Variants in ZNF316 observed in about 807,000 individuals in gnomAD.
ZNF316 encodes zinc finger protein 316.
ZNF316 carries 23 observed loss-of-function variants against 75.6 expected under a neutral mutation model. That is an observed-to-expected ratio of 0.30 (90% CI 0.22 to 0.43). The LOEUF (loss-of-function observed/expected upper bound fraction) is 0.43, where lower values mean the gene tolerates loss of function less well. Among genes scored for constraint, ZNF316 ranks in the 20% least tolerant of loss-of-function variants. The probability of loss-of-function intolerance (pLI) is 1.00; values close to 1 mark genes in which losing one functional copy is unlikely to be tolerated. For missense variants in ZNF316, 1,266 were observed against 1,409.4 expected (o/e 0.90, Z 1.63); for synonymous variants, 827 against 666.2 (o/e 1.24, Z -3.72).
intron 8 of ZNF316, among the ~76,000 whole-genome samples, chr7:6,647,116 G>A (rs1378994759): frequency 2.6e-5 from 4 of 152,210 alleles, no homozygotes; most frequent in Non-Finnish European, 5.9e-5. Flanking sequence ...AGTGGCATTG[G>A]CCTGGCGGGC....
chr7:6,641,532 G>A (rs1221417201), intron 3 of ZNF316, among the ~76,000 whole-genome samples: 5 of 152,222 alleles, frequency 3.3e-5, no homozygotes, highest in East Asian at 3.8e-4. Context: ...CTGTGTCCAT[G>A]GCCCTGGACC....
rs945432325 is a variant in ZNF316, at chr7:6,652,461, G to T, written c.865G>T (p.Asp289Tyr). The change falls in exon 9 of 9, where the codon GAT (aspartate) becomes TAT (tyrosine). Residue 289 changes from aspartate to tyrosine, a missense_variant. By Grantham distance (160) the Asp-to-Tyr change is radical. Transcript: ENST00000382252. ...VPGTWGPDDSDSAQTPEGWGP... is the reference protein window; with the variant it reads ...VPGTWGPDDSYSAQTPEGWGP... ...TGGGACGTGGGGGCCCGACGACTCG[G>T]ATTCGGCGCAGACTCCAGAGGGGTG... 2.4e-6 allele frequency: 3 copies of T among 1,231,742 alleles called. No homozygotes were observed. The African/African-American group carries it at 4.7e-5, about 19-fold the overall frequency. The allele number at this position is 1,231,742 out of a possible 1,614,324, so 76.3% of individuals were successfully genotyped here.
At chr7:6,638,237 TA>T (rs917180812) in intron 2 of ZNF316, among the ~76,000 whole-genome samples, 3 of 150,968 alleles carry the variant, frequency 2.0e-5, no homozygotes, top group Non-Finnish European at 4.4e-5. Context: ...GTGAGGGGGC[TA>T]CCCTGGGGAA....
chr7:6,654,652 G>C lies in ZNF316; in HGVS notation c.*41G>C, dbSNP rs1023150601. 5.0e-5 allele frequency: 58 copies of C among 1,168,874 alleles called. No individual in the cohort carries two copies. In the African/African-American group the frequency reaches 9.2e-4, roughly 19 times the overall value. 72.4% of individuals were successfully genotyped at this position (1,168,874 alleles called of 1,614,324 possible). On this transcript the variant is annotated 3_prime_UTR_variant, in exon 9 of 9. Transcript: ENST00000382252. Reference sequence around the variant, plus strand: ...CAGCAGCGCAGCCTGCAGGGCCACCGGCCCCTCCCTTGGACGGCCGGCCCC... The same window carrying C: ...CAGCAGCGCAGCCTGCAGGGCCACCCGCCCCTCCCTTGGACGGCCGGCCCC...
chr7:6,652,460 G>A lies in ZNF316; in HGVS notation c.864G>A (p.Ser288=), dbSNP rs979849971. 2 of 1,231,808 alleles carry A rather than the reference G, an allele frequency of 1.6e-6. No homozygotes were observed. The highest frequency in any genetic ancestry group is 2.0e-6 in the Non-Finnish European group (2 of 987,802). 76.3% of individuals were successfully genotyped at this position (1,231,808 alleles called of 1,614,324 possible). The change falls in exon 9 of 9, where the codon TCG becomes TCA. Residue 288 remains serine, a synonymous_variant. Coordinates refer to ENST00000382252, the MANE Select transcript of ZNF316 (RefSeq NM_001278559.2). ...CTGGGACGTGGGGGCCCGACGACTC[G>A]GATTCGGCGCAGACTCCAGAGGGGT... ...DVPGTWGPDD[S]DSAQTPEGWG...
At position 6,656,628 on chromosome 7, in the gene ZNF316, T is replaced by C. The variant is rs768733331; in HGVS notation, c.*2017T>C. On this transcript the variant is annotated 3_prime_UTR_variant, in exon 9 of 9. Coordinates refer to ENST00000382252, the MANE Select transcript of ZNF316 (RefSeq NM_001278559.2). ...CCCCGTGCTGCCCATGCCCACCGTA[T>C]TCCTTGGTGGCCCCCACGCTGCCCC... 3.3e-5 allele frequency among the ~76,000 whole-genome samples: 5 copies of C among 152,230 alleles called. No individual in the cohort carries two copies. Among genetic ancestry groups the C allele is most frequent in the Non-Finnish European group, 5.9e-5 (4 of 68,030 alleles).
At chr7:6,644,419 G>T in intron 7 of ZNF316, 61 bp from the exon 8 acceptor site, 1 of 921,540 alleles carries the variant, frequency 1.1e-6, no homozygotes, top group Non-Finnish European at 1.4e-6. Context: ...CACAGCACGG[G>T]CTGCAGGGCA....
chr7:6,653,203 G>T lies in ZNF316; in HGVS notation c.1607G>T (p.Gly536Val). Reference sequence around the variant, plus strand: ...GCGGGGCCCGAGGACACGGACCCTGGGCCAGAGGGATCTGAAGTTGGCGAG... The same window carrying T: ...GCGGGGCCCGAGGACACGGACCCTGTGCCAGAGGGATCTGAAGTTGGCGAG... Reference protein sequence around the residue: ...AAAGPEDTDPGPEGSEVGEAD... With the variant: ...AAAGPEDTDPVPEGSEVGEAD... Residue 536 changes from glycine to valine, a missense_variant, in exon 9 of 9, where the codon GGG becomes GTG. This residue lies in a region of ZNF316 where 961 missense variants were observed against 990.9 expected (regional missense o/e 0.97). Transcript: ENST00000382252. The T allele has an allele frequency of 8.2e-7, 1 of 1,220,498 alleles. No individual in the cohort carries two copies. Among genetic ancestry groups the T allele is most frequent in the Non-Finnish European group, 1.0e-6 (1 of 980,994 alleles). 75.6% of individuals were successfully genotyped at this position (1,220,498 alleles called of 1,614,324 possible).
At position 6,640,460 on chromosome 7, in the gene ZNF316, A is replaced by G. The variant is rs555061872; in HGVS notation, c.-167+1319A>G. ...GAGAGAGTGAGTGGGGAGGCGCCAC[A>G]CACTTTTAAAGACGACCAGATGTCC... is the stretch of plus-strand genomic sequence containing the variant. On this transcript the variant is annotated intron_variant, in intron 3 of 8. Transcript: ENST00000382252. This position sits in a 1 kb window ranked among gnomAD's most constrained non-coding sequence, Gnocchi z 5.1. 1.3e-5 allele frequency among the ~76,000 whole-genome samples: 2 copies of G among 152,264 alleles called. No homozygotes were observed. Among genetic ancestry groups the G allele is most frequent in the Admixed American group, 6.5e-5 (1 of 15,308 alleles).
In ZNF316 at chr7:6,640,196, C is replaced by T. The variant is rs567698551; in HGVS notation, c.-167+1055C>T. On this transcript the variant is annotated intron_variant, in intron 3 of 8. Coordinates refer to ENST00000382252, the MANE Select transcript of ZNF316 (RefSeq NM_001278559.2). This position sits in a 1 kb window ranked among gnomAD's most constrained non-coding sequence, Gnocchi z 5.1. ...AAGCAGTTCAGGAAATGAGTACGCG[C>T]GGCTGCTATGGTTTGGGTGTTTGTC... 6.6e-5 allele frequency among the ~76,000 whole-genome samples: 10 copies of T among 152,186 alleles called. No individual in the cohort carries two copies. Among genetic ancestry groups the T allele is most frequent in the African/African-American group, 2.4e-4 (10 of 41,522 alleles).
rs1202669697 is a variant in ZNF316, at chr7:6,653,193, A to G, written c.1597A>G (p.Thr533Ala). The part of the protein sequence containing the change: ...ETAAAAGPED[T>A]DPGPEGSEVG... Reference sequence around the variant, plus strand: ...GGCGGCCGCCGCGGGGCCCGAGGACACGGACCCTGGGCCAGAGGGATCTGA... The same window carrying G: ...GGCGGCCGCCGCGGGGCCCGAGGACGCGGACCCTGGGCCAGAGGGATCTGA... The change falls in exon 9 of 9, where the codon ACG becomes GCG. Residue 533 changes from threonine to alanine, a missense_variant. By Grantham distance (58) the Thr-to-Ala change is moderately conservative (BLOSUM62 0). This residue lies in a region of ZNF316 where 961 missense variants were observed against 990.9 expected (regional missense o/e 0.97). Coordinates refer to ENST00000382252, the MANE Select transcript of ZNF316 (RefSeq NM_001278559.2). The G allele has an allele frequency of 1.5e-5, 18 of 1,217,158 alleles. No individual in the cohort carries two copies. The highest frequency in any genetic ancestry group is 3.2e-4 in the Middle Eastern group (1 of 3,160). The allele number at this position is 1,217,158 out of a possible 1,614,324, so 75.4% of individuals were successfully genotyped here.
At chr7:6,645,045 G>A (rs1033903377) in intron 8 of ZNF316, among the ~76,000 whole-genome samples, 5 of 152,254 alleles carry the variant, frequency 3.3e-5, no homozygotes, top group South Asian at 2.1e-4. Flanking sequence ...GACTCTGACC[G>A]GGATGGGCAG....
At chr7:6,647,174 C>T (rs924542002) in intron 8 of ZNF316, among the ~76,000 whole-genome samples, 2 of 152,328 alleles carry the variant, frequency 1.3e-5, no homozygotes, top group Middle Eastern at 3.4e-3. Flanking sequence ...AGATGGACCC[C>T]CTCAGCCACT....
At chr7:6,638,156 CTTGTG>C (rs1312903934) in intron 2 of ZNF316, 147 bp downstream of exon 2, 2 of 152,438 alleles carry the variant, frequency 1.3e-5, no homozygotes, top group Non-Finnish European at 2.9e-5. Context: ...CCCAGCTCTG[CTTGTG>C]TGGGGAGACC....
Position 6,643,031 on chromosome 7 carries a change from G to A in ZNF316, c.423G>A (p.Glu141=). 8.1e-7 allele frequency: 1 copy of A among 1,240,540 alleles called. No homozygotes were observed. The highest frequency in any genetic ancestry group is 1.0e-6 in the Non-Finnish European group (1 of 993,322). The allele number at this position is 1,240,540 out of a possible 1,614,324, so 76.8% of individuals were successfully genotyped here. ...ACCTGGAGGAGGAGGAAGAGGAGGA[G>A]GAGGATGAGGACGAGGATGATTTGC... ...DEDLEEEEEE[E]EDEDEDDLLT... The change falls in exon 6 of 9, where the codon GAG becomes GAA. Residue 141 remains glutamate (E), a synonymous_variant. Transcript: ENST00000382252.
At position 6,652,571 on chromosome 7, in the gene ZNF316, C is replaced by G. The variant is rs980311485; in HGVS notation, c.975C>G (p.Asn325Lys). ...PFLPGREPGANLLSPWAFPAA... is the reference protein window; with the variant it reads ...PFLPGREPGAKLLSPWAFPAA... Reference sequence around the variant, plus strand: ...TGCCCGGCCGGGAGCCGGGTGCGAACCTGCTGTCGCCCTGGGCGTTCCCCG... The same window carrying G: ...TGCCCGGCCGGGAGCCGGGTGCGAAGCTGCTGTCGCCCTGGGCGTTCCCCG... Residue 325 changes from asparagine (N) to lysine (K), a missense_variant, in exon 9 of 9, where the codon AAC becomes AAG. Physicochemically the swap from Asn to Lys is moderately conservative, Grantham distance 94. This residue lies in a region of ZNF316 where 961 missense variants were observed against 990.9 expected (regional missense o/e 0.97). Coordinates refer to ENST00000382252, the MANE Select transcript of ZNF316 (RefSeq NM_001278559.2). 1.6e-6 allele frequency: 2 copies of G among 1,230,784 alleles called. No individual in the cohort carries two copies. Among genetic ancestry groups the G allele is most frequent in the African/African-American group, 1.6e-5 (1 of 64,382 alleles). 76.2% of individuals were successfully genotyped at this position (1,230,784 alleles called of 1,614,324 possible).
chr7:6,653,078 C>T lies in ZNF316; in HGVS notation c.1482C>T (p.Phe494=). The part of the protein sequence containing the change: ...PHCCPDCGQA[F]RLRADFQRHR... ...GCTGTCCCGACTGCGGCCAGGCCTTCCGCCTGCGCGCCGACTTCCAGCGCC... is the reference window on the plus strand; with the variant it reads ...GCTGTCCCGACTGCGGCCAGGCCTTTCGCCTGCGCGCCGACTTCCAGCGCC... Residue 494 remains phenylalanine, a synonymous_variant, in exon 9 of 9, where the codon TTC becomes TTT. Transcript: ENST00000382252. The T allele has an allele frequency of 1.7e-6, 2 of 1,203,190 alleles. No homozygotes were observed. The highest frequency in any genetic ancestry group is 3.5e-5 in the East Asian group (1 of 28,538). 74.5% of individuals were successfully genotyped at this position (1,203,190 alleles called of 1,614,324 possible).
In ZNF316 at chr7:6,637,376, C is replaced by T. The variant is rs1016500739; in HGVS notation, c.-502C>T. On this transcript the variant is annotated 5_prime_UTR_variant, in exon 1 of 9. Transcript: ENST00000382252. The surrounding 1 kb of genome is among the most constrained non-coding windows in gnomAD (Gnocchi z 6.2). ...TCCCGGGCCGTCACTTTGTGTAGCG[C>T]GGGGTCCGCCGCCGGCCCGCAGGCC... is the stretch of plus-strand genomic sequence containing the variant. The T allele has an allele frequency of 6.7e-6, 1 of 148,438 alleles. No homozygotes were observed. Among genetic ancestry groups the T allele is most frequent in the African/African-American group, 2.4e-5 (1 of 40,974 alleles). The allele number at this position is 148,438 out of a possible 1,614,324, so 9.2% of individuals were successfully genotyped here. A position where few individuals can be genotyped will look rare whatever the true frequency, so the allele number is the denominator to read the frequency against.
rs1779564518 is a variant in ZNF316, at chr7:6,653,756, C to T, written c.2160C>T (p.Arg720=). The T allele has an allele frequency of 1.3e-5, 14 of 1,092,562 alleles. No individual in the cohort carries two copies. Among genetic ancestry groups the T allele is most frequent in the Admixed American group, 5.3e-5 (1 of 18,948 alleles). 67.7% of individuals were successfully genotyped at this position (1,092,562 alleles called of 1,614,324 possible). ...ACCACGCGGGCGAGCGGCCGCATCG[C>T]TGCGCCGACTGCGGCAAGAGCTTCG... ...QRYHAGERPH[R]CADCGKSFVY... is the part of the protein sequence containing the mutation. Residue 720 remains arginine (R), a synonymous_variant, in exon 9 of 9, where the codon CGC becomes CGT. Transcript: ENST00000382252.
Sources: allele counts gnomAD v4.1 joint callset (sites outside exome capture counted in the v4.1 genomes callset), GRCh38; gene constraint gnomAD v4.1.1; regional missense constraint gnomAD v4.1.1; non-coding constraint Gnocchi (gnomAD v3.1); transcripts MANE v1.5; gene names NCBI Gene and HGNC (gene_info 2026-07-23, HGNC 2026-07-21).